NEMF: variants seen among roughly 807,000 people sequenced by gnomAD.
NEMF encodes nuclear export mediator factor.
NEMF carries 89 observed loss-of-function variants against 162.2 expected under a neutral mutation model. That is an observed-to-expected ratio of 0.55 (90% CI 0.46 to 0.65). NEMF has a LOEUF of 0.65. NEMF is among the 30% of genes least tolerant of loss of function. NEMF has a pLI of 0.00. For missense variants in NEMF, 1,133 were observed against 1,261.9 expected (o/e 0.90, Z 1.55); for synonymous variants, 421 against 404.5 (o/e 1.04, Z -0.49).
At chr14:49,814,947 T>C in intron 16 of NEMF, 90 bp from the exon 17 acceptor site, 1 of 712,872 alleles carries the variant, frequency 1.4e-6, no homozygotes, top group Non-Finnish European at 2.3e-6. Flanking sequence ...AGGAAGCTAT[T>C]TAAGACAAGT....
chr14:49,819,692 G>A (rs1305305285), intron 16 of NEMF, among the ~76,000 whole-genome samples: 2 of 152,288 alleles, frequency 1.3e-5, no homozygotes, highest in East Asian at 1.9e-4. Context: ...TGGGATTACA[G>A]GCGTGAGCCA....
intron 6 of NEMF, 57 bp downstream of exon 6, chr14:49,838,082 T>C: frequency 7.6e-7 from 1 of 1,320,354 alleles, no homozygotes; most frequent in South Asian, 1.3e-5. Context: ...TTTCAATATA[T>C]TCCTGAAAAC....
intron 19 of NEMF, 54 bp from the exon 20 acceptor site, chr14:49,803,348 C>G (rs1891039755): frequency 1.6e-6 from 2 of 1,262,716 alleles, no homozygotes; most frequent in Admixed American, 1.9e-5. Context: ...CTCTAGTTTT[C>G]TTTTTCCACT....
intron 8 of NEMF, 97 bp from the exon 9 acceptor site, chr14:49,832,374 C>T (rs1892688358): frequency 1.3e-6 from 1 of 797,828 alleles, no homozygotes; most frequent in Non-Finnish European, 2.0e-6. Context: ...CTCCATCACC[C>T]AGGCTGGAGT....
At chr14:49,821,971 A>G (rs1594772884) in intron 16 of NEMF, among the ~76,000 whole-genome samples, 5 of 149,900 alleles carry the variant, frequency 3.3e-5, no homozygotes, top group African/African-American at 7.4e-5. Context: ...ACTAAGAAAA[A>G]TTCTTCTGCC....
intron 16 of NEMF, among the ~76,000 whole-genome samples, chr14:49,820,889 G>A (rs1214190866): frequency 6.6e-6 from 1 of 152,078 alleles, no homozygotes; most frequent in Non-Finnish European, 1.5e-5. Context: ...CAAGGTGCCG[G>A]GATTGCAGAC....
At chr14:49,839,887 C>G (rs1055679656) in intron 5 of NEMF, 2 of 152,120 alleles carry the variant, frequency 1.3e-5, no homozygotes, top group Non-Finnish European at 2.9e-5. Context: ...TGGCTGGGCC[C>G]GGTCGCTCAT....
chr14:49,832,166 A>G, intron 9 of NEMF, 40 bp from the exon 10 acceptor site: 3 of 1,596,426 alleles, frequency 1.9e-6, no homozygotes, highest in Non-Finnish European at 2.6e-6. Context: ...GAGAACATTA[A>G]CAAACATCCA....
In NEMF at chr14:49,786,738, G is replaced by A. The variant is rs1890197337; in HGVS notation, c.2908C>T (p.Leu970=). 2 of 1,613,206 alleles carry A rather than the reference G, an allele frequency of 1.2e-6. No homozygotes were observed. The highest frequency in any genetic ancestry group is 1.7e-6 in the Non-Finnish European group (2 of 1,179,446). The change falls in exon 29 of 33, where the codon CTG becomes TTG. Residue 970 remains leucine (L), a synonymous_variant. Coordinates refer to ENST00000298310, the MANE Select transcript of NEMF (RefSeq NM_004713.6). The part of the protein sequence containing the change: ...DPHDDKEEQD[L]DQQGNEENLF... ...CATACCTCATTTCCCTGTTGATCCAGATCTTGCTCTTCCTGTTCCGAACAT... is the reference window on the plus strand; with the variant it reads ...CATACCTCATTTCCCTGTTGATCCAAATCTTGCTCTTCCTGTTCCGAACAT...
intron 4 of NEMF, chr14:49,844,809 C>T (rs1321359199): frequency 2.3e-6 from 1 of 428,250 alleles, no homozygotes; most frequent in Admixed American, 2.4e-5. Flanking sequence ...CACTCTGTCA[C>T]CTGAGCTGGA....
chr14:49,849,012 T>C (rs1893649527), intron 3 of NEMF, among the ~76,000 whole-genome samples: 1 of 151,588 alleles, frequency 6.6e-6, no homozygotes. Context: ...CTAAGAAGAG[T>C]TCTTCTCCAG....
At chr14:49,844,580 C>T (rs1303983057) in intron 4 of NEMF, among the ~76,000 whole-genome samples, 4 of 152,290 alleles carry the variant, frequency 2.6e-5, no homozygotes, top group African/African-American at 9.6e-5. Flanking sequence ...TGGGACATTA[C>T]TGCATACTAC....
chr14:49,837,185 A>G lies in NEMF; in HGVS notation c.574+954T>C, dbSNP rs547682049. On this transcript the variant is annotated intron_variant, in intron 6 of 32. Transcript: ENST00000298310. ...TAGCTACTTGGGAGGCTGAGGCAGG[A>G]GAATTGCTTGAACCCGGGAGGCAGA... Among the ~76,000 whole-genome samples, 3 of 152,338 alleles carry G rather than the reference A, an allele frequency of 2.0e-5. No individual in the cohort carries two copies. The East Asian group carries it at 5.8e-4, about 29-fold the overall frequency.
At chr14:49,837,661 G>A (rs868171620) in intron 6 of NEMF, among the ~76,000 whole-genome samples, 18 of 151,946 alleles carry the variant, frequency 1.2e-4, no homozygotes, top group African/African-American at 4.1e-4. Context: ...CTAGTGCTCA[G>A]TAATCAATGG....
chr14:49,789,522 G>C lies in NEMF; in HGVS notation c.2671C>G (p.Arg891Gly), dbSNP rs770108322. 1.2e-6 allele frequency: 2 copies of C among 1,612,284 alleles called. No homozygotes were observed. The highest frequency in any genetic ancestry group is 1.7e-6 in the Non-Finnish European group (2 of 1,179,614). ...EKYKDQDEED[R>G]ELIMKLLGSA... ...CCCAGCAACTTCATGATAAGTTCAC[G>C]GTCTTCTTCATCCTGGTCTTTGTAT... Residue 891 changes from arginine (R) to glycine (G), a missense_variant, in exon 27 of 33, where the codon CGT (arginine) becomes GGT (glycine). Transcript: ENST00000298310.
chr14:49,818,933 C>T (rs1891855226), intron 16 of NEMF, among the ~76,000 whole-genome samples: 2 of 152,096 alleles, frequency 1.3e-5, no homozygotes, highest in African/African-American at 4.8e-5. Flanking sequence ...AGCCCAACCA[C>T]CCAGGGAACT....
intron 18 of NEMF, among the ~76,000 whole-genome samples, chr14:49,813,380 G>A (rs1891569144): frequency 2.0e-5 from 3 of 152,180 alleles, no homozygotes; most frequent in Admixed American, 1.3e-4. Context: ...GTATGGTGCT[G>A]CTATTAAGTA....
intron 3 of NEMF, among the ~76,000 whole-genome samples, chr14:49,850,941 T>TC (rs2140039794): frequency 6.6e-6 from 1 of 152,322 alleles, no homozygotes; most frequent in South Asian, 2.1e-4. Context: ...CGGTGGCTCA[T>TC]GCCTGTAATC....
chr14:49,826,047 T>C, intron 15 of NEMF, 92 bp from the exon 16 acceptor site: 1 of 730,126 alleles, frequency 1.4e-6, no homozygotes, highest in Non-Finnish European at 2.3e-6. Flanking sequence ...TTTTTAAATG[T>C]CACAAAATGG....
Sources: gnomAD v4.1 joint callset for allele counts (sites outside exome capture counted in the v4.1 genomes callset) on GRCh38, gnomAD v4.1.1 for gene constraint, MANE v1.5 for transcripts, NCBI Gene and HGNC (gene_info 2026-07-23, HGNC 2026-07-21) for gene names.